OPA3: variants seen among roughly 807,000 people sequenced by gnomAD.
The protein encoded by OPA3 is optic atrophy 3 protein.
A neutral mutation model predicts 4.0 loss-of-function variants in OPA3; 6 were observed. That is an observed-to-expected ratio of 1.51 (90% CI 0.83 to 2.99). OPA3 has a LOEUF of 2.99. OPA3 is among the 30% of genes most tolerant of loss of function. The pLI is 0.00. For missense variants in OPA3, 235 were observed against 256.2 expected (o/e 0.92, Z 0.56); for synonymous variants, 105 against 117.1 (o/e 0.90, Z 0.67).
intron 1 of OPA3, among the ~76,000 whole-genome samples, chr19:45,575,240 C>T (rs999846985): frequency 2.0e-5 from 3 of 151,894 alleles, no homozygotes; most frequent in African/African-American, 4.8e-5. Context: ...GAAGCTGGGA[C>T]CACAGGTACC....
At chr19:45,544,424 G>C (rs1364383729), downstream of OPA3, among the ~76,000 whole-genome samples, 4 of 151,474 alleles carry the variant, frequency 2.6e-5, no homozygotes, top group African/African-American at 9.7e-5. Flanking sequence ...CTTTGGGACG[G>C]CAAGGCAGGC....
chr19:45,551,778 G>A lies in OPA3; in HGVS notation c.*1736C>T, dbSNP rs1022536245. On this transcript the variant is annotated 3_prime_UTR_variant, in exon 2 of 2. Coordinates refer to ENST00000263275, the MANE Select transcript of OPA3 (RefSeq NM_025136.4). ...TGGAGGCAGGAGGGTACTGCTACAT[G>A]AAGACAGGCTGTCGGGTCAGTCCAG... 5.1e-6 allele frequency: 5 copies of A among 985,418 alleles called. No homozygotes were observed. The highest frequency in any genetic ancestry group is 6.1e-5 in the Admixed American group (1 of 16,262). 61.0% of individuals were successfully genotyped at this position (985,418 alleles called of 1,614,324 possible).
chr19:45,556,926 G>A (rs150829552), intron 1 of OPA3, among the ~76,000 whole-genome samples: 21 of 152,328 alleles, frequency 1.4e-4, no homozygotes, highest in African/African-American at 5.1e-4. Context: ...CCTGCTGCCT[G>A]AGCAATGACA....
intron 1 of OPA3, among the ~76,000 whole-genome samples, chr19:45,562,405 G>C (rs944564088): frequency 1.1e-4 from 17 of 149,020 alleles, no homozygotes. Flanking sequence ...TAAGAAACAT[G>C]ATAGGCCGGG....
At chr19:45,539,237 G>T (rs969291326) in intron 1 of OPA3, among the ~76,000 whole-genome samples, 1 of 152,068 alleles carries the variant, frequency 6.6e-6, no homozygotes, top group East Asian at 1.9e-4. Context: ...CAAAACTCTC[G>T]CATGTCACTG....
chr19:45,572,423 TATATCATG>T (rs1969687300), intron 1 of OPA3, among the ~76,000 whole-genome samples: 2 of 123,770 alleles, frequency 1.6e-5, no homozygotes, highest in East Asian at 2.4e-4. Flanking sequence ...TATATCGATA[TATATCATG>T]ATATATGTAT....
chr19:45,569,339 G>A (rs1036156380), intron 1 of OPA3, among the ~76,000 whole-genome samples: 1 of 152,094 alleles, frequency 6.6e-6, no homozygotes, highest in African/African-American at 2.4e-5. Flanking sequence ...GGCACCTGTA[G>A]TCACAGCTAT....
intron 1 of OPA3, among the ~76,000 whole-genome samples, chr19:45,536,036 G>C (rs1046425158): frequency 1.3e-5 from 2 of 151,454 alleles, no homozygotes; most frequent in Non-Finnish European, 2.9e-5. Flanking sequence ...AGACCAGCCT[G>C]GCCAACATGG....
chr19:45,543,985 T>C (rs1488636581), downstream of OPA3, among the ~76,000 whole-genome samples: 1 of 152,228 alleles, frequency 6.6e-6, no homozygotes, highest in African/African-American at 2.4e-5. Context: ...AGAGTCATTT[T>C]GCAACCGTTC....
chr19:45,574,842 T>C lies in OPA3; in HGVS notation c.142+9781A>G, dbSNP rs563064622. Among the ~76,000 whole-genome samples the C allele has an allele frequency of 2.0e-5, 3 of 152,300 alleles. No homozygotes were observed. In the East Asian group the frequency reaches 5.8e-4, roughly 29 times the overall value. On this transcript the variant is annotated intron_variant, in intron 1 of 1. Coordinates refer to ENST00000263275, the MANE Select transcript of OPA3 (RefSeq NM_025136.4). ...TTCTGCTTCTTCCCTCATGAAAATCTGGCTGTTGGGGAGTCCTGAGCAGCC... is the reference window on the plus strand; with the variant it reads ...TTCTGCTTCTTCCCTCATGAAAATCCGGCTGTTGGGGAGTCCTGAGCAGCC...
At chr19:45,562,017 T>G (rs957893147) in intron 1 of OPA3, among the ~76,000 whole-genome samples, 1 of 151,230 alleles carries the variant, frequency 6.6e-6, no homozygotes, top group African/African-American at 2.4e-5. Context: ...TAATAAAAGA[T>G]GAGAAAAAAA....
intron 1 of OPA3, among the ~76,000 whole-genome samples, chr19:45,534,780 G>A (rs150723028): frequency 0.017 from 2,559 of 149,254 alleles, 39 homozygotes; most frequent in Non-Finnish European, 0.03. Context: ...CTACAGGCAC[G>A]CGCCACCATG....
At chr19:45,573,847 T>G (rs1334576984) in intron 1 of OPA3, among the ~76,000 whole-genome samples, 1 of 152,174 alleles carries the variant, frequency 6.6e-6, no homozygotes, top group East Asian at 1.9e-4. Flanking sequence ...GCAGAGGTTT[T>G]GGCACTTGGG....
rs145633378 is a variant in OPA3 at position 45,574,570 on chromosome 19, G to GA, written c.142+10052dup. 1.5e-3 allele frequency among the ~76,000 whole-genome samples: 230 copies of GA among 152,258 alleles called. 1 individual carries two copies. The highest frequency in any genetic ancestry group is 5.2e-3 in the African/African-American group (217 of 41,538). ...ATTAGTATCCCATTTGATAAATATG[G>GA]AAATGGAGGCTCATAGAGGTCAAGC... On this transcript the variant is annotated intron_variant, in intron 1 of 1. Transcript: ENST00000263275.
At chr19:45,561,061 C>T (rs574548878) in intron 1 of OPA3, among the ~76,000 whole-genome samples, 2 of 152,152 alleles carry the variant, frequency 1.3e-5, no homozygotes, top group Non-Finnish European at 2.9e-5. Context: ...AGGCCGGGCG[C>T]GGTGGCTCAC....
chr19:45,548,019 G>A lies in OPA3; in HGVS notation c.*5495C>T. On this transcript the variant is annotated 3_prime_UTR_variant, in exon 2 of 2. Transcript: ENST00000263275. The stretch of plus-strand genomic sequence containing the variant: ...GCCACTCTTTCCTTCTTTATTGCCG[G>A]TCTCTGGCACTAGAATGTCAGCTCC... The A allele has an allele frequency of 1.5e-6, 1 of 686,754 alleles. No homozygotes were observed. The highest frequency in any genetic ancestry group is 1.8e-6 in the Non-Finnish European group (1 of 557,162). The allele number at this position is 686,754 out of a possible 1,614,324, so 42.5% of individuals were successfully genotyped here.
chr19:45,548,116 T>G lies in OPA3; in HGVS notation c.*5398A>C, dbSNP rs1969278194. On this transcript the variant is annotated 3_prime_UTR_variant, in exon 2 of 2. Transcript: ENST00000263275. Reference sequence around the variant, plus strand: ...GGAGCCTGGTGCAGTTGATCCTCAGTACACTCAGAGTTGCCATGCTTCTCC... The same window carrying G: ...GGAGCCTGGTGCAGTTGATCCTCAGGACACTCAGAGTTGCCATGCTTCTCC... 1.0e-6 allele frequency: 1 copy of G among 985,538 alleles called. No individual in the cohort carries two copies. The highest frequency in any genetic ancestry group is 1.2e-6 in the Non-Finnish European group (1 of 829,958). The allele number at this position is 985,538 out of a possible 1,614,324, so 61.0% of individuals were successfully genotyped here. A position where few individuals can be genotyped will look rare whatever the true frequency, so the allele number is the denominator to read the frequency against.
At chr19:45,562,570 T>A (rs1472820409) in intron 1 of OPA3, among the ~76,000 whole-genome samples, 1 of 151,536 alleles carries the variant, frequency 6.6e-6, no homozygotes, top group Non-Finnish European at 1.5e-5. Flanking sequence ...ACGCCTGTAA[T>A]CTCAGCTACT....
chr19:45,573,759 G>C (rs1956187512), intron 1 of OPA3, among the ~76,000 whole-genome samples: 1 of 152,202 alleles, frequency 6.6e-6, no homozygotes, highest in Non-Finnish European at 1.5e-5. Context: ...GGTACAGAAA[G>C]GCAGAGGGAC....
Sources: allele counts gnomAD v4.1 joint callset (sites outside exome capture counted in the v4.1 genomes callset), GRCh38; gene constraint gnomAD v4.1.1; transcripts MANE v1.5; gene names NCBI Gene and HGNC (gene_info 2026-07-23, HGNC 2026-07-21).